Variants in SLC26A7 observed in about 807,000 individuals in gnomAD.
SLC26A7 encodes the protein anion exchange transporter.
Under a neutral mutation model 82.5 loss-of-function variants are expected in SLC26A7, and 59 were observed. The ratio of observed to expected loss-of-function variants is 0.72; its 90% CI spans 0.58 to 0.89. SLC26A7 has a LOEUF of 0.89. Ranked by LOEUF, SLC26A7 falls within the 40% of genes least tolerant of loss-of-function variation. SLC26A7 has a pLI of 0.00. For missense variants in SLC26A7, 820 were observed against 793.0 expected, an observed-to-expected ratio of 1.03 and a Z score of -0.41; for synonymous variants, 271 against 274.3, an observed-to-expected ratio of 0.99 and a Z score of 0.12.
intron 2 of SLC26A7, among the ~76,000 whole-genome samples, chr8:91,255,920 T>C (rs540592055): frequency 2.0e-5 from 3 of 152,262 alleles, no homozygotes; most frequent in Admixed American, 2.0e-4. Flanking sequence ...AGATACGTGG[T>C]CTATCTTCTG....
chr8:91,345,897 A>C (rs971681434), intron 9 of SLC26A7, among the ~76,000 whole-genome samples: 3 of 152,190 alleles, frequency 2.0e-5, no homozygotes, highest in Non-Finnish European at 2.9e-5. Context: ...GAGAAAGATT[A>C]TACTTATTTT....
chr8:91,379,002 G>T (rs1814595637), intron 15 of SLC26A7, among the ~76,000 whole-genome samples: 1 of 151,626 alleles, frequency 6.6e-6, no homozygotes, highest in African/African-American at 2.4e-5. Flanking sequence ...AAAATCAATT[G>T]GTTTCAATAT....
At chr8:91,270,392 T>C (rs908379606) in intron 2 of SLC26A7, among the ~76,000 whole-genome samples, 3 of 152,186 alleles carry the variant, frequency 2.0e-5, no homozygotes, top group African/African-American at 7.2e-5. Context: ...ACTGTGATCA[T>C]TGGAACTTAA....
rs1163140814 is a variant in SLC26A7 at position 91,366,597 on chromosome 8, G to C, written c.1506G>C (p.Val502=). Residue 502 remains valine, a synonymous_variant, in exon 14 of 19, where the codon GTG becomes GTC. Transcript: ENST00000276609. ...TEMDSETLQQ[V]KIISINNPLV... ...TCCAAAAGGAAACCCTGCAGCAGGT[G>C]AAAATTATCTCAATAAACAACCCGC... 6.2e-7 allele frequency: 1 copy of C among 1,612,838 alleles called. No homozygotes were observed. The highest frequency in any genetic ancestry group is 1.1e-5 in the South Asian group (1 of 90,834).
upstream of SLC26A7, among the ~76,000 whole-genome samples, chr8:91,245,120 TAAAC>T (rs1281894886): frequency 6.6e-6 from 1 of 152,174 alleles, no homozygotes; most frequent in African/African-American, 2.4e-5. Context: ...ATTTTTTAAA[TAAAC>T]AGCACCATAG....
intron 15 of SLC26A7, among the ~76,000 whole-genome samples, chr8:91,377,592 G>A (rs1363215477): frequency 6.6e-6 from 1 of 152,166 alleles, no homozygotes; most frequent in Non-Finnish European, 1.5e-5. Context: ...TGAGGATAGT[G>A]AGGGCACACA....
At chr8:91,322,875 C>A (rs920371004) in intron 5 of SLC26A7, among the ~76,000 whole-genome samples, 1 of 152,166 alleles carries the variant, frequency 6.6e-6, no homozygotes, top group Non-Finnish European at 1.5e-5. Flanking sequence ...TCTCACCCCC[C>A]ACCCCTGAAG....
intron 14 of SLC26A7, among the ~76,000 whole-genome samples, chr8:91,367,774 C>T (rs891916328): frequency 6.6e-6 from 1 of 152,132 alleles, no homozygotes; most frequent in African/African-American, 2.4e-5. Flanking sequence ...ATGAAGCTTT[C>T]CTTGACTCCT....
chr8:91,388,308 G>A (rs1240330759), intron 15 of SLC26A7, among the ~76,000 whole-genome samples: 1 of 146,856 alleles, frequency 6.8e-6, no homozygotes, highest in Non-Finnish European at 1.5e-5. Context: ...GTGCAGTGGC[G>A]GGATCTCGGC....
intron 2 of SLC26A7, among the ~76,000 whole-genome samples, chr8:91,287,310 AT>A (rs2130762796): frequency 6.6e-6 from 1 of 152,326 alleles, no homozygotes; most frequent in East Asian, 1.9e-4. Flanking sequence ...TATAGATTTT[AT>A]TTGGGATAAA....
chr8:91,369,783 A>C lies in SLC26A7; in HGVS notation c.1627-2A>C, dbSNP rs754812217. On this transcript the variant is annotated splice_acceptor_variant, in intron 14 of 18. Transcript: ENST00000276609. LOFTEE classifies it high-confidence loss of function. ...TCTTCTTTATGTTTGTTTTTATTTTAGTGTGAACAAAACACATTGCTTAAT... is the reference window on the plus strand; with the variant it reads ...TCTTCTTTATGTTTGTTTTTATTTTCGTGTGAACAAAACACATTGCTTAAT... 2.5e-6 allele frequency: 4 copies of C among 1,581,368 alleles called. No homozygotes were observed. Among genetic ancestry groups the C allele is most frequent in the South Asian group, 2.4e-5 (2 of 85,000 alleles).
chr8:91,322,014 T>C (rs1812803571), intron 5 of SLC26A7, among the ~76,000 whole-genome samples: 1 of 152,160 alleles, frequency 6.6e-6, no homozygotes. Context: ...TTCTTACTAG[T>C]AGTGAATAGT....
intron 18 of SLC26A7, 90 bp downstream of exon 18, chr8:91,394,129 C>T: frequency 6.3e-7 from 1 of 1,589,816 alleles, no homozygotes; most frequent in Non-Finnish European, 8.6e-7. Context: ...CTTATTACTC[C>T]ATTGGCATCT....
intron 6 of SLC26A7, among the ~76,000 whole-genome samples, chr8:91,337,227 C>A (rs940524233): frequency 7.2e-5 from 11 of 151,996 alleles, no homozygotes; most frequent in Non-Finnish European, 1.3e-4. Flanking sequence ...GGGAAAAAAA[C>A]CTATACAATT....
rs573835220 is a variant in SLC26A7 at position 91,279,797 on chromosome 8, G to C, written c.194-9339G>C. ...GATGGTCTCGATCTCCTGACCTCGT[G>C]TGCACCCGCCTCGGCCTCCCAAAGT... On this transcript the variant is annotated intron_variant, in intron 2 of 18. Transcript: ENST00000276609. 2.3e-4 allele frequency among the ~76,000 whole-genome samples: 35 copies of C among 152,084 alleles called. 1 individual carries two copies. Among genetic ancestry groups the C allele is most frequent in the South Asian group, 1.5e-3 (7 of 4,812 alleles).
At chr8:91,393,046 C>A (rs1266902316) in intron 16 of SLC26A7, among the ~76,000 whole-genome samples, 1 of 152,136 alleles carries the variant, frequency 6.6e-6, no homozygotes, top group African/African-American at 2.4e-5. Context: ...GTACAATGCA[C>A]ACTATTAGAA....
rs1812212635 is a variant in SLC26A7 at position 91,303,088 on chromosome 8, A to C, written c.477+7385A>C. Among the ~76,000 whole-genome samples the C allele has an allele frequency of 2.0e-5, 3 of 152,168 alleles. No homozygotes were observed. In the South Asian group the frequency reaches 6.2e-4, roughly 32 times the overall value. Reference sequence around the variant, plus strand: ...TTTTGTACTATTAGTATTACTTTACACAAGGAAAAGACAATTTTTCTAGCT... The same window carrying C: ...TTTTGTACTATTAGTATTACTTTACCCAAGGAAAAGACAATTTTTCTAGCT... On this transcript the variant is annotated intron_variant, in intron 4 of 18. Transcript: ENST00000276609.
chr8:91,262,581 C>T (rs922068002), intron 2 of SLC26A7, among the ~76,000 whole-genome samples: 17 of 151,922 alleles, frequency 1.1e-4, no homozygotes, highest in Non-Finnish European at 2.1e-4. Context: ...TGGTGTCCCC[C>T]GTCCTCGCAT....
chr8:91,301,803 T>A (rs1188184535), intron 4 of SLC26A7, among the ~76,000 whole-genome samples: 1 of 129,302 alleles, frequency 7.7e-6, no homozygotes, highest in Non-Finnish European at 1.7e-5. Flanking sequence ...TTACTTGTTA[T>A]TTTTTTTTCA....
Sources: gnomAD v4.1 joint callset for allele counts (sites outside exome capture counted in the v4.1 genomes callset) on GRCh38, gnomAD v4.1.1 for gene constraint, MANE v1.5 for transcripts, NCBI Gene and HGNC (gene_info 2026-07-23, HGNC 2026-07-21) for gene names.